The following TBC1D32 variants were observed in gnomAD, a reference collection of about 807,000 sequenced individuals.
TBC1D32 encodes the protein protein broad-minded.
Under a neutral mutation model 170.3 loss-of-function variants are expected in TBC1D32, and 151 were observed. That is an observed-to-expected ratio of 0.89 (90% CI 0.78 to 1.01). The LOEUF (loss-of-function observed/expected upper bound fraction) is 1.01. Among genes scored for constraint, TBC1D32 ranks in the 50% least tolerant of loss-of-function variants. The pLI is 0.00. For synonymous variants in TBC1D32, 498 were observed against 488.0 expected (o/e 1.02, Z -0.27); for missense variants, 1,464 against 1,457.1 (o/e 1.00, Z -0.08).
intron 15 of TBC1D32, among the ~76,000 whole-genome samples, chr6:121,260,314 T>C (rs1260192396): frequency 6.6e-6 from 1 of 152,142 alleles, no homozygotes; most frequent in African/African-American, 2.4e-5. Context: ...AGCTTTATTA[T>C]CTTTATGTAG....
intron 15 of TBC1D32, among the ~76,000 whole-genome samples, chr6:121,264,847 T>C (rs966481818): frequency 1.3e-5 from 2 of 152,126 alleles, no homozygotes; most frequent in Non-Finnish European, 2.9e-5. Context: ...GAAAAGACCT[T>C]CGATAAAATT....
chr6:121,145,745 T>C (rs1161316790), intron 24 of TBC1D32, among the ~76,000 whole-genome samples: 1 of 152,144 alleles, frequency 6.6e-6, no homozygotes, highest in Non-Finnish European at 1.5e-5. Flanking sequence ...AAAAAATAAA[T>C]TAATTTTTAA....
chr6:121,114,712 TCTGTTCA>T (rs1226462513), intron 27 of TBC1D32, among the ~76,000 whole-genome samples: 1 of 152,202 alleles, frequency 6.6e-6, no homozygotes, highest in Non-Finnish European at 1.5e-5. Context: ...TCCTTAACTC[TCTGTTCA>T]CTGTTTAGCT....
chr6:121,254,913 AG>A (rs1798766969), intron 17 of TBC1D32, among the ~76,000 whole-genome samples: 1 of 152,076 alleles, frequency 6.6e-6, no homozygotes, highest in African/African-American at 2.4e-5. Flanking sequence ...AATTTTCCAA[AG>A]CCAAAACCTA....
At position 121,106,800 on chromosome 6, in the gene TBC1D32, T is replaced by C. The variant is rs761176816; in HGVS notation, c.3325-637A>G. 7.9e-4 allele frequency among the ~76,000 whole-genome samples: 120 copies of C among 151,988 alleles called. 1 individual carries two copies. The highest frequency in any genetic ancestry group is 1.4e-3 in the Non-Finnish European group (94 of 67,908). ...AAATTTATGTTTATTTCCATATAAT[T>C]TTATATTGATAGTTACTTATATATA... On this transcript the variant is annotated intron_variant, in intron 29 of 31. Coordinates refer to ENST00000398212, the MANE Select transcript of TBC1D32 (RefSeq NM_152730.6).
At chr6:121,308,909 T>C in intron 4 of TBC1D32, among the ~76,000 whole-genome samples, 1 of 152,072 alleles carries the variant, frequency 6.6e-6, no homozygotes, top group East Asian at 1.9e-4. Context: ...CCACTCAATA[T>C]CCAAGTCGTG....
At chr6:121,289,335 A>G (rs946266304) in intron 12 of TBC1D32, among the ~76,000 whole-genome samples, 2 of 152,198 alleles carry the variant, frequency 1.3e-5, no homozygotes, top group Non-Finnish European at 2.9e-5. Flanking sequence ...ATGTACAAAA[A>G]TCACAGGCAT....
chr6:121,159,092 C>T (rs757546908), intron 24 of TBC1D32, among the ~76,000 whole-genome samples: 2 of 152,166 alleles, frequency 1.3e-5, no homozygotes, highest in Non-Finnish European at 2.9e-5. Context: ...TCTTCTCTTA[C>T]TCAGAAAATA....
At chr6:121,108,003 C>T (rs1778852201) in intron 29 of TBC1D32, among the ~76,000 whole-genome samples, 1 of 152,096 alleles carries the variant, frequency 6.6e-6, no homozygotes, top group African/African-American at 2.4e-5. Flanking sequence ...TGTGGTAACA[C>T]AGCTCCTGAT....
chr6:121,267,247 C>G (rs897902387), intron 15 of TBC1D32, among the ~76,000 whole-genome samples: 8 of 152,082 alleles, frequency 5.3e-5, no homozygotes, highest in Non-Finnish European at 1.2e-4. Flanking sequence ...AACTAAGGTA[C>G]CAGATTCATC....
intron 21 of TBC1D32, among the ~76,000 whole-genome samples, chr6:121,216,991 A>C (rs1793908965): frequency 6.6e-6 from 1 of 152,218 alleles, no homozygotes; most frequent in South Asian, 2.1e-4. Context: ...GCATCCCTGG[A>C]GAAACTGCAA....
intron 1 of TBC1D32, among the ~76,000 whole-genome samples, 189 bp downstream of exon 1, chr6:121,334,087 G>A (rs1011163215): frequency 6.6e-6 from 1 of 152,004 alleles, no homozygotes; most frequent in Non-Finnish European, 1.5e-5. Context: ...GAGAGAAAGA[G>A]GCGGCAGAAG....
chr6:121,093,616 C>T (rs1777066738), intron 30 of TBC1D32, among the ~76,000 whole-genome samples: 1 of 152,102 alleles, frequency 6.6e-6, no homozygotes, highest in Admixed American at 6.5e-5. Flanking sequence ...AGCTTCTGTC[C>T]ACCATATGCA....
chr6:121,151,281 G>A (rs1346097344), intron 24 of TBC1D32, among the ~76,000 whole-genome samples: 1 of 152,182 alleles, frequency 6.6e-6, no homozygotes, highest in Non-Finnish European at 1.5e-5. Flanking sequence ...GCAGGAGCAG[G>A]TTGTTCAGTT....
chr6:121,278,992 C>A, intron 15 of TBC1D32, 129 bp downstream of exon 15: 1 of 993,984 alleles, frequency 1.0e-6, no homozygotes, highest in Non-Finnish European at 1.4e-6. Flanking sequence ...ACGTCAAGTT[C>A]TACTCTGGCT....
Position 121,160,063 on chromosome 6 carries a change from G to T in TBC1D32, c.2720C>A (p.Pro907Gln). The T allele has an allele frequency of 6.2e-7, 1 of 1,607,052 alleles. No individual in the cohort carries two copies. Residue 907 changes from proline (P) to glutamine (Q), a missense_variant, in exon 24 of 32, where the codon CCA becomes CAA. Physicochemically the swap from Pro to Gln is moderately conservative, Grantham distance 76 (BLOSUM62 -1). Around this residue, in one of 3 missense-constraint regions of TBC1D32, gnomAD observed 1,363 missense variants for 1,338.1 expected, o/e 1.02. Transcript: ENST00000398212. Reference sequence around the variant, plus strand: ...GTCTGACAGATAGCAGTTTGGCAATGGATATGATGAAAACATTGGCCAAGG... The same window carrying T: ...GTCTGACAGATAGCAGTTTGGCAATTGATATGATGAAAACATTGGCCAAGG... ...PYPWPMFSSY[P>Q]LPNCYLSDIT... is the part of the protein sequence containing the mutation.
intron 22 of TBC1D32, among the ~76,000 whole-genome samples, chr6:121,192,816 A>G (rs1288565287): frequency 6.6e-6 from 1 of 151,314 alleles, no homozygotes; most frequent in Admixed American, 6.6e-5. Context: ...CTCCTCCCTG[A>G]CCCATGCTGC....
intron 15 of TBC1D32, among the ~76,000 whole-genome samples, chr6:121,268,275 G>A (rs1800830859): frequency 6.6e-6 from 1 of 152,178 alleles, no homozygotes; most frequent in South Asian, 2.1e-4. Context: ...TGAGTTGAGA[G>A]AAGAAGGCTT....
At chr6:121,162,263 T>C (rs116213291) in intron 22 of TBC1D32, among the ~76,000 whole-genome samples, 1,889 of 152,326 alleles carry the variant, frequency 0.012, 37 homozygotes, top group African/African-American at 0.043. Context: ...CATGAAATCT[T>C]TGCCCATGAC....
Sources: allele counts gnomAD v4.1 joint callset (sites outside exome capture counted in the v4.1 genomes callset), GRCh38; gene constraint gnomAD v4.1.1; regional missense constraint gnomAD v4.1.1; transcripts MANE v1.5; gene names NCBI Gene and HGNC (gene_info 2026-07-23, HGNC 2026-07-21).